HNRNPD: variants seen among roughly 807,000 people sequenced by gnomAD.
HNRNPD encodes the protein heterogeneous nuclear ribonucleoprotein D.
Under a neutral mutation model 47.9 loss-of-function variants are expected in HNRNPD, and 3 were observed. The observed-to-expected ratio is 0.06, with a 90% confidence interval of 0.03 to 0.16. HNRNPD has a LOEUF of 0.16. Among genes scored for constraint, HNRNPD ranks in the 10% least tolerant of loss-of-function variants. The probability of loss-of-function intolerance (pLI) is 1.00; values close to 1 mark genes in which losing one functional copy is unlikely to be tolerated. For synonymous variants in HNRNPD, 171 were observed against 165.1 expected, an observed-to-expected ratio of 1.04 and a Z score of -0.28; for missense variants, 287 against 454.2, an observed-to-expected ratio of 0.63 and a Z score of 3.35.
chr4:82,372,551 G>T (rs916963394), intron 1 of HNRNPD, among the ~76,000 whole-genome samples: 1 of 152,102 alleles, frequency 6.6e-6, no homozygotes, highest in African/African-American at 2.4e-5. Context: ...TAAAAAATTA[G>T]GTTGCACATA....
intron 7 of HNRNPD, 31 bp downstream of exon 7, chr4:82,356,487 GTACAAAATAAATGTCAAAT>G: frequency 6.8e-7 from 1 of 1,465,298 alleles, no homozygotes; most frequent in Non-Finnish European, 9.5e-7. Context: ...ATCCAAATTT[GTACAAAATAAATGTCAAAT>G]AGCAGTTAAT....
chr4:82,365,500 G>C (rs1440537698), intron 2 of HNRNPD, among the ~76,000 whole-genome samples: 1 of 151,956 alleles, frequency 6.6e-6, no homozygotes, highest in Non-Finnish European at 1.5e-5. Context: ...TCACACGTTA[G>C]GGTATTTTAC....
intron 2 of HNRNPD, among the ~76,000 whole-genome samples, chr4:82,363,744 G>A (rs1719606761): frequency 6.6e-6 from 1 of 152,122 alleles, no homozygotes; most frequent in Non-Finnish European, 1.5e-5. Flanking sequence ...GCTGAATATG[G>A]TATTCAGTTT....
chr4:82,355,390 C>T lies in HNRNPD; in HGVS notation c.1012G>A (p.Gly338Ser). 1.2e-6 allele frequency: 2 copies of T among 1,613,044 alleles called. No individual in the cohort carries two copies. Among genetic ancestry groups the T allele is most frequent in the Non-Finnish European group, 1.7e-6 (2 of 1,179,046 alleles). Residue 338 changes from glycine (G) to serine (S), a missense_variant, in exon 8 of 9, where the codon GGT becomes AGT. Physicochemically the swap from Gly to Ser is moderately conservative, Grantham distance 56. This residue lies in a region of HNRNPD where 65 missense variants were observed against 107.1 expected (regional missense o/e 0.61). Coordinates refer to ENST00000313899, the MANE Select transcript of HNRNPD (RefSeq NM_031370.3). Reference sequence around the variant, plus strand: ...CCTCGCCTGGATACCTTCCCATAACCACTCTGCTGGTCTAAAATAAAACAA... The same window carrying T: ...CCTCGCCTGGATACCTTCCCATAACTACTCTGCTGGTCTAAAATAAAACAA... ...GYGDYSNQQS[G>S]YGKVSRRGGH... is the part of the protein sequence containing the mutation.
At chr4:82,364,276 T>C (rs1248999217) in intron 2 of HNRNPD, among the ~76,000 whole-genome samples, 3 of 152,198 alleles carry the variant, frequency 2.0e-5, no homozygotes, top group Non-Finnish European at 2.9e-5. Flanking sequence ...CCCCTGCCTC[T>C]TACTAATTGT....
rs927103293 is a variant in HNRNPD at position 82,372,522 on chromosome 4, A to T, written c.233+924T>A. ...AAATAGGATCCTGGGCACCGGGAAA[A>T]AAAGGGGGCTGGGGGTTGTAAAAAA... On this transcript the variant is annotated intron_variant, in intron 1 of 8. Coordinates refer to ENST00000313899, the MANE Select transcript of HNRNPD (RefSeq NM_031370.3). Among the ~76,000 whole-genome samples, 4 of 152,332 alleles carry T rather than the reference A, an allele frequency of 2.6e-5. No homozygotes were observed. The East Asian group carries it at 7.7e-4, about 29-fold the overall frequency.
At chr4:82,357,850 CT>C in intron 4 of HNRNPD, 1 of 154,726 alleles carries the variant, frequency 6.5e-6, no homozygotes, top group Non-Finnish European at 1.4e-5. Flanking sequence ...ATGGAAGCTA[CT>C]ACTCAGTTTG....
At position 82,373,927 on chromosome 4, in the gene HNRNPD, C is replaced by G. The variant is rs1720289876; in HGVS notation, c.-249G>C. Reference sequence around the variant, plus strand: ...TGCACTAAAAAAGAATAAGCACCAGCGGCGGCCGCTCTCGCCTCCTCCTCG... The same window carrying G: ...TGCACTAAAAAAGAATAAGCACCAGGGGCGGCCGCTCTCGCCTCCTCCTCG... On this transcript the variant is annotated 5_prime_UTR_variant, in exon 1 of 9. Coordinates refer to ENST00000313899, the MANE Select transcript of HNRNPD (RefSeq NM_031370.3). 2.2e-6 allele frequency: 2 copies of G among 920,044 alleles called. No homozygotes were observed. The highest frequency in any genetic ancestry group is 3.9e-5 in the South Asian group (2 of 50,818). The allele number at this position is 920,044 out of a possible 1,614,324, so 57.0% of individuals were successfully genotyped here. A position where few individuals can be genotyped will look rare whatever the true frequency, so the allele number is the denominator to read the frequency against.
intron 7 of HNRNPD, chr4:82,355,631 G>A (rs1723683142): frequency 1.8e-6 from 1 of 548,288 alleles, no homozygotes; most frequent in Non-Finnish European, 3.2e-6. Flanking sequence ...TAAAATGGGA[G>A]ACAATCCCCT....
At chr4:82,370,449 T>G (rs912110144) in intron 2 of HNRNPD, among the ~76,000 whole-genome samples, 14 of 152,194 alleles carry the variant, frequency 9.2e-5, no homozygotes, top group Non-Finnish European at 1.9e-4. Context: ...CACTATTAGC[T>G]AGCAGTGAAA....
intron 5 of HNRNPD, 100 bp from the exon 6 acceptor site, chr4:82,356,995 G>A (rs1168140347): frequency 1.9e-6 from 2 of 1,037,486 alleles, no homozygotes; most frequent in Non-Finnish European, 3.0e-6. Flanking sequence ...AAATAGAGTA[G>A]GCTAATTTGA....
At chr4:82,355,537 C>T in intron 7 of HNRNPD, 136 bp from the exon 8 acceptor site, 2 of 647,998 alleles carry the variant, frequency 3.1e-6, no homozygotes, top group Non-Finnish European at 5.5e-6. Flanking sequence ...CCTGAGCAAT[C>T]ATTTATCAAA....
At chr4:82,361,560 A>C (rs1232072007) in intron 2 of HNRNPD, among the ~76,000 whole-genome samples, 8 of 152,256 alleles carry the variant, frequency 5.3e-5, no homozygotes, top group Non-Finnish European at 5.9e-5. Context: ...GTTGAAAGGC[A>C]AGAAAATTCT....
Position 82,353,956 on chromosome 4 carries a change from T to C in HNRNPD, c.*229A>G, listed in dbSNP as rs1723614734. On this transcript the variant is annotated 3_prime_UTR_variant, in exon 9 of 9. Transcript: ENST00000313899. Reference sequence around the variant, plus strand: ...GAAAGGGCATAAAACACAAATTGATTCTGAAGCATAGCAATTAAGAAATAA... The same window carrying C: ...GAAAGGGCATAAAACACAAATTGATCCTGAAGCATAGCAATTAAGAAATAA... 6.6e-6 allele frequency: 1 copy of C among 152,670 alleles called. No individual in the cohort carries two copies. The highest frequency in any genetic ancestry group is 2.4e-5 in the African/African-American group (1 of 41,458). 9.5% of individuals were successfully genotyped at this position (152,670 alleles called of 1,614,324 possible).
At chr4:82,359,402 T>G in intron 3 of HNRNPD, 69 bp downstream of exon 3, 3 of 1,141,490 alleles carry the variant, frequency 2.6e-6, no homozygotes, top group Non-Finnish European at 3.5e-6. Context: ...ATAGGCAAAC[T>G]CATTGTATCA....
chr4:82,371,806 C>T (rs1720058954), intron 1 of HNRNPD, among the ~76,000 whole-genome samples: 1 of 152,174 alleles, frequency 6.6e-6, no homozygotes, highest in South Asian at 2.1e-4. Context: ...CAGAATTCAG[C>T]AAACGAAAAC....
At position 82,356,657 on chromosome 4, in the gene HNRNPD, A is replaced by G. The variant is rs1462899742; in HGVS notation, c.880T>C (p.Tyr294His). Residue 294 changes from tyrosine (Y) to histidine (H), a missense_variant, in exon 7 of 9, where the codon TAT (tyrosine) becomes CAT (histidine). By Grantham distance (83) the Tyr-to-His change is moderately conservative. This residue lies in a region of HNRNPD where 65 missense variants were observed against 107.1 expected (regional missense o/e 0.61). Transcript: ENST00000313899. ...GGPSQNWNQGYSNYWNQGYGN... is the reference protein window; with the variant it reads ...GGPSQNWNQGHSNYWNQGYGN... ...TAGCCTTGATTCCAATAGTTACTATATCCCTGGTTCCAGTTTTGACTGGGG... is the reference window on the plus strand; with the variant it reads ...TAGCCTTGATTCCAATAGTTACTATGTCCCTGGTTCCAGTTTTGACTGGGG... The G allele has an allele frequency of 6.2e-7, 1 of 1,613,188 alleles. No individual in the cohort carries two copies. Among genetic ancestry groups the G allele is most frequent in the Non-Finnish European group, 8.5e-7 (1 of 1,180,012 alleles).
chr4:82,355,496 G>C, intron 7 of HNRNPD, 95 bp from the exon 8 acceptor site: 1 of 873,138 alleles, frequency 1.1e-6, no homozygotes, highest in Non-Finnish European at 1.9e-6. Context: ...AAAATTAAGG[G>C]TAGCTTAATT....
chr4:82,373,764 G>A lies in HNRNPD; in HGVS notation c.-86C>T, dbSNP rs1720274288. 5 of 1,527,256 alleles carry A rather than the reference G, an allele frequency of 3.3e-6. No individual in the cohort carries two copies. The highest frequency in any genetic ancestry group is 2.5e-5 in the East Asian group (1 of 39,986). 94.6% of individuals were successfully genotyped at this position (1,527,256 alleles called of 1,614,324 possible). A position where few individuals can be genotyped will look rare whatever the true frequency, so the allele number is the denominator to read the frequency against. On this transcript the variant is annotated 5_prime_UTR_variant, in exon 1 of 9. Coordinates refer to ENST00000313899, the MANE Select transcript of HNRNPD (RefSeq NM_031370.3). ...TAGCAGCAAAGTAATCCCCGCCGCT[G>A]CCGCGCGCCCGCTCTACCTCGCGAA...
Sources: allele counts gnomAD v4.1 joint callset (sites outside exome capture counted in the v4.1 genomes callset), GRCh38; gene constraint gnomAD v4.1.1; regional missense constraint gnomAD v4.1.1; transcripts MANE v1.5; gene names NCBI Gene and HGNC (gene_info 2026-07-23, HGNC 2026-07-21).